Variants in CYFIP2 observed in about 807,000 individuals in gnomAD.
CYFIP2 encodes the protein cytoplasmic FMR1-interacting protein 2.
CYFIP2 carries 29 observed loss-of-function variants against 158.7 expected under a neutral mutation model. The observed-to-expected ratio is 0.18, with a 90% CI of 0.14 to 0.25. The LOEUF (loss-of-function observed/expected upper bound fraction) is 0.25, where lower values mean the gene tolerates loss of function less well. Among genes scored for constraint, CYFIP2 ranks in the 10% least tolerant of loss-of-function variants. CYFIP2 has a pLI of 1.00. For missense variants in CYFIP2, 852 were observed against 1,639.5 expected (o/e 0.52, Z 8.29); for synonymous variants, 585 against 617.6 (o/e 0.95, Z 0.78).
At chr5:157,319,281 G>A (rs949630386) in intron 13 of CYFIP2, among the ~76,000 whole-genome samples, 11 of 152,162 alleles carry the variant, frequency 7.2e-5, no homozygotes, top group Non-Finnish European at 1.2e-4. Context: ...AACTCAAGCA[G>A]CAACTGGCCA....
At chr5:157,289,175 G>A (rs1757628815) in intron 3 of CYFIP2, among the ~76,000 whole-genome samples, 1 of 152,176 alleles carries the variant, frequency 6.6e-6, no homozygotes, top group South Asian at 2.1e-4. Flanking sequence ...TGCCAGTCCT[G>A]ATCTCTTTCT....
chr5:157,354,862 G>A (rs1055275819), intron 23 of CYFIP2, among the ~76,000 whole-genome samples: 7 of 152,124 alleles, frequency 4.6e-5, no homozygotes, highest in African/African-American at 1.7e-4. Flanking sequence ...TTCCATATAT[G>A]TAAATGTGTA....
chr5:157,369,444 C>T (rs1271226001), intron 26 of CYFIP2, among the ~76,000 whole-genome samples: 2 of 152,166 alleles, frequency 1.3e-5, no homozygotes, highest in Admixed American at 1.3e-4. Context: ...ATCCTCAACA[C>T]CTAACACAAG....
chr5:157,364,374 C>A, intron 26 of CYFIP2: 1 of 152,346 alleles, frequency 6.6e-6, no homozygotes, highest in African/African-American at 2.4e-5. Flanking sequence ...CAGGCACCGT[C>A]TGGGTGGTCA....
intron 28 of CYFIP2, among the ~76,000 whole-genome samples, chr5:157,387,809 G>A (rs1455474557): frequency 4.6e-5 from 7 of 151,958 alleles, no homozygotes; most frequent in African/African-American, 1.5e-4. Flanking sequence ...CCTCTCCTTC[G>A]TGTTTAAAAC....
chr5:157,381,784 T>G (rs1766138441), intron 26 of CYFIP2, among the ~76,000 whole-genome samples: 1 of 152,178 alleles, frequency 6.6e-6, no homozygotes, highest in Admixed American at 6.5e-5. Flanking sequence ...AATCTTGATT[T>G]TCTCAGATGC....
intron 13 of CYFIP2, among the ~76,000 whole-genome samples, chr5:157,317,992 T>A (rs1007107525): frequency 8.5e-5 from 13 of 152,236 alleles, no homozygotes; most frequent in Admixed American, 1.3e-4. Context: ...TTTACCTCTG[T>A]CCTGTCCTGT....
At chr5:157,302,963 A>G in intron 7 of CYFIP2, 73 bp downstream of exon 7, 1 of 1,182,612 alleles carries the variant, frequency 8.5e-7, no homozygotes, top group South Asian at 1.5e-5. Flanking sequence ...GGTTGGGTGG[A>G]CCACGAGCCC....
intron 5 of CYFIP2, 124 bp downstream of exon 5, chr5:157,296,898 C>G: frequency 1.4e-6 from 1 of 726,076 alleles, no homozygotes; most frequent in Middle Eastern, 3.8e-4. Context: ...TGACTGTGCC[C>G]TACACATCCC....
chr5:157,324,041 T>G lies in CYFIP2; in HGVS notation c.1792T>G (p.Ser598Ala), dbSNP rs1209989067. The change falls in exon 16 of 31, where the codon TCC becomes GCC. Residue 598 changes from serine to alanine, a missense_variant. This residue lies in a region of CYFIP2 where 167 missense variants were observed against 343.3 expected (regional missense o/e 0.49). Coordinates refer to ENST00000620254, the MANE Select transcript of CYFIP2 (RefSeq NM_001037333.3). Reference protein sequence around the residue: ...VLAIEDFHKQSFFFTHLLNIS... With the variant: ...VLAIEDFHKQAFFFTHLLNIS... Reference sequence around the variant, plus strand: ...CGCCATAGAGGACTTTCACAAACAGTCCTTCTTCTTCACACATCTGCTCAA... The same window carrying G: ...CGCCATAGAGGACTTTCACAAACAGGCCTTCTTCTTCACACATCTGCTCAA... 1 of 1,613,670 alleles carries G rather than the reference T, an allele frequency of 6.2e-7. No individual in the cohort carries two copies. The highest frequency in any genetic ancestry group is 8.5e-7 in the Non-Finnish European group (1 of 1,179,796).
intron 30 of CYFIP2, 79 bp downstream of exon 30, chr5:157,390,747 G>A (rs1379785844): frequency 6.5e-7 from 1 of 1,542,430 alleles, no homozygotes; most frequent in Non-Finnish European, 8.7e-7. Context: ...CAAACAAGGA[G>A]GAGCTGCTTG....
intron 4 of CYFIP2, chr5:157,296,461 T>C (rs1758262295): frequency 1.8e-6 from 1 of 544,104 alleles, no homozygotes; most frequent in Non-Finnish European, 3.5e-6. Context: ...GGATATAGTG[T>C]TGCATGCCTG....
chr5:157,292,510 C>T (rs560339645), intron 3 of CYFIP2, among the ~76,000 whole-genome samples: 19 of 152,308 alleles, frequency 1.2e-4, no homozygotes, highest in African/African-American at 4.1e-4. Flanking sequence ...TGAGCCACCG[C>T]GCCTGGCCAG....
chr5:157,349,550 T>C lies in CYFIP2; in HGVS notation c.2673+8393T>C, dbSNP rs576548943. ...GGGCATTGGGCTGGTTCCATATTTT[T>C]GCAATTGCGAATTGTGCTGCTATAA... On this transcript the variant is annotated intron_variant, in intron 23 of 30. Transcript: ENST00000620254. Among the ~76,000 whole-genome samples the C allele has an allele frequency of 2.6e-5, 4 of 152,376 alleles. No individual in the cohort carries two copies. The East Asian group carries it at 7.7e-4, about 29-fold the overall frequency.
chr5:157,358,299 C>A (rs1412976759), intron 23 of CYFIP2, among the ~76,000 whole-genome samples: 1 of 152,196 alleles, frequency 6.6e-6, no homozygotes, highest in Non-Finnish European at 1.5e-5. Flanking sequence ...ATGGTGGTGG[C>A]CAGGTCTGTG....
At chr5:157,333,799 A>G (rs1761659072) in intron 21 of CYFIP2, among the ~76,000 whole-genome samples, 1 of 152,228 alleles carries the variant, frequency 6.6e-6, no homozygotes, top group Non-Finnish European at 1.5e-5. Flanking sequence ...GTGCAGTAGT[A>G]TAAGGCCCAG....
chr5:157,309,914 C>T, intron 10 of CYFIP2, 80 bp downstream of exon 10: 2 of 1,316,270 alleles, frequency 1.5e-6, no homozygotes, highest in Non-Finnish European at 2.1e-6. Flanking sequence ...ACTTCAGCCC[C>T]TCCTCCCTCC....
At chr5:157,309,942 T>A (rs1759568799) in intron 10 of CYFIP2, 108 bp downstream of exon 10, 1 of 1,085,484 alleles carries the variant, frequency 9.2e-7, no homozygotes, top group African/African-American at 1.6e-5. Flanking sequence ...CCTGGGCAGG[T>A]GGATTCCATC....
At position 157,341,118 on chromosome 5, in the gene CYFIP2, A is replaced by G. The variant is rs1162115179; in HGVS notation, c.2634A>G (p.Lys878=). 6.2e-7 allele frequency: 1 copy of G among 1,613,912 alleles called. No homozygotes were observed. Among genetic ancestry groups the G allele is most frequent in the South Asian group, 1.1e-5 (1 of 91,078 alleles). Reference sequence around the variant, plus strand: ...TCACCCAAGAACCACAACGAGACAAACCTGCCAACGTCCAGCCTTATTACC... The same window carrying G: ...TCACCCAAGAACCACAACGAGACAAGCCTGCCAACGTCCAGCCTTATTACC... The part of the protein sequence containing the change: ...IPFTQEPQRD[K]PANVQPYYLY... The change falls in exon 23 of 31, where the codon AAA becomes AAG. Residue 878 remains lysine (K), a synonymous_variant. Coordinates refer to ENST00000620254, the MANE Select transcript of CYFIP2 (RefSeq NM_001037333.3).
Sources: gnomAD v4.1 joint callset for allele counts (sites outside exome capture counted in the v4.1 genomes callset) on GRCh38, gnomAD v4.1.1 for gene constraint, gnomAD v4.1.1 regional missense constraint, MANE v1.5 for transcripts, NCBI Gene and HGNC (gene_info 2026-07-23, HGNC 2026-07-21) for gene names.